UBN1: variants seen among roughly 807,000 people sequenced by gnomAD.
UBN1 encodes ubinuclein 1.
Under a neutral mutation model 108.5 loss-of-function variants are expected in UBN1, and 17 were observed. That is an observed-to-expected ratio of 0.16 (90% confidence interval 0.11 to 0.24). The LOEUF is 0.24. Ranked by LOEUF, UBN1 falls within the 10% of genes least tolerant of loss-of-function variation. The pLI, the probability that UBN1 is intolerant of heterozygous loss-of-function variation, is 1.00. For synonymous variants in UBN1, 726 were observed against 564.2 expected (o/e 1.29, Z -4.07); for missense variants, 1,595 against 1,394.4 (o/e 1.14, Z -2.29).
chr16:4,873,643 T>G (rs2087743444), intron 14 of UBN1, among the ~76,000 whole-genome samples: 1 of 152,148 alleles, frequency 6.6e-6, no homozygotes, highest in Non-Finnish European at 1.5e-5. Context: ...TGCAAATCAT[T>G]TACTCCTAAG....
chr16:4,875,008 A>G lies in UBN1; in HGVS notation c.2598A>G (p.Ser866=), dbSNP rs752329147. 6 of 1,613,954 alleles carry G rather than the reference A, an allele frequency of 3.7e-6. No individual in the cohort carries two copies. The South Asian group carries it at 5.5e-5, about 15-fold the overall frequency. The change falls in exon 15 of 18, where the codon TCA becomes TCG. Residue 866 remains serine, a synonymous_variant. Transcript: ENST00000262376. ...PSAPATSGGL[S]ASSSSSHKTP... ...CACCAGCCACCTCAGGAGGCCTGTCAGCCTCCAGCAGCAGCTCTCACAAGA... is the reference window on the plus strand; with the variant it reads ...CACCAGCCACCTCAGGAGGCCTGTCGGCCTCCAGCAGCAGCTCTCACAAGA...
chr16:4,849,770 AT>A (rs917764551), intron 1 of UBN1, among the ~76,000 whole-genome samples: 3 of 151,506 alleles, frequency 2.0e-5, no homozygotes, highest in Non-Finnish European at 4.4e-5. Flanking sequence ...TTTAAAAAAA[AT>A]TTTTTTGTGC....
intron 8 of UBN1, 149 bp downstream of exon 8, chr16:4,869,052 A>C: frequency 2.6e-6 from 2 of 770,716 alleles, no homozygotes; most frequent in Non-Finnish European, 2.0e-6. Context: ...ACATGGTTTC[A>C]TTGTTATTTT....
chr16:4,874,584 C>T lies in UBN1; in HGVS notation c.2174C>T (p.Ala725Val). 1 of 1,614,246 alleles carries T rather than the reference C, an allele frequency of 6.2e-7. No individual in the cohort carries two copies. Among genetic ancestry groups the T allele is most frequent in the Non-Finnish European group, 8.5e-7 (1 of 1,180,044 alleles). Reference sequence around the variant, plus strand: ...AACTTTGCGAAGCCTAGTCCTTCTGCTCCACCACCAGCTAGCTCTCTGCAG... The same window carrying T: ...AACTTTGCGAAGCCTAGTCCTTCTGTTCCACCACCAGCTAGCTCTCTGCAG... ...KRNFAKPSPS[A>V]PPPASSLQSP... The change falls in exon 15 of 18, where the codon GCT becomes GTT. Residue 725 changes from alanine to valine, a missense_variant. Physicochemically the swap from Ala to Val is moderately conservative, Grantham distance 64. Coordinates refer to ENST00000262376, the MANE Select transcript of UBN1 (RefSeq NM_001079514.3).
In UBN1 at chr16:4,877,509, G is replaced by A. The variant is rs373590698; in HGVS notation, c.3355+35G>A. 5.6e-5 allele frequency: 89 copies of A among 1,580,074 alleles called. No individual in the cohort carries two copies. The highest frequency in any genetic ancestry group is 2.0e-4 in the African/African-American group (15 of 74,230). The stretch of plus-strand genomic sequence containing the variant: ...CGACGGTCAGTGTGCCACGCGCACC[G>A]TGTGCCTTTGCCCTCTCCACCCCTA... On this transcript the variant is annotated intron_variant, in intron 17 of 17. Transcript: ENST00000262376. This position sits in a 1 kb window ranked among gnomAD's most constrained non-coding sequence, Gnocchi z 4.3.
At chr16:4,865,037 TTA>T (rs1324448539) in intron 7 of UBN1, among the ~76,000 whole-genome samples, 1 of 152,336 alleles carries the variant, frequency 6.6e-6, no homozygotes, top group African/African-American at 2.4e-5. Flanking sequence ...GTTGGAACTC[TTA>T]TAAATCAGCA....
In UBN1 at chr16:4,875,321, G is replaced by T; in HGVS notation, c.2911G>T (p.Gly971Cys). 2 of 1,614,226 alleles carry T rather than the reference G, an allele frequency of 1.2e-6. No individual in the cohort carries two copies. The highest frequency in any genetic ancestry group is 4.5e-5 in the East Asian group (2 of 44,888). Reference sequence around the variant, plus strand: ...GAAGTTGACTCTGGTAGCCCCTCCAGGCGGTCCAAACGGAGATTCCAGTGG... The same window carrying T: ...GAAGTTGACTCTGGTAGCCCCTCCATGCGGTCCAAACGGAGATTCCAGTGG... Reference protein sequence around the residue: ...SQKLTLVAPPGGPNGDSSGGT... With the variant: ...SQKLTLVAPPCGPNGDSSGGT... The change falls in exon 15 of 18, where the codon GGC (glycine) becomes TGC (cysteine). Residue 971 changes from glycine (G) to cysteine (C), a missense_variant. Around this residue, in one of 3 missense-constraint regions of UBN1, gnomAD observed 1,398 missense variants for 1,194.7 expected, o/e 1.17. Coordinates refer to ENST00000262376, the MANE Select transcript of UBN1 (RefSeq NM_001079514.3).
intron 7 of UBN1, among the ~76,000 whole-genome samples, chr16:4,867,339 A>G (rs2087383428): frequency 6.6e-6 from 1 of 152,204 alleles, no homozygotes; most frequent in Admixed American, 6.5e-5. Context: ...ATCCACTTAC[A>G]CGCAGATGTT....
At chr16:4,855,762 T>G (rs2086780328) in intron 2 of UBN1, among the ~76,000 whole-genome samples, 3 of 151,854 alleles carry the variant, frequency 2.0e-5, no homozygotes, top group Admixed American at 2.0e-4. Context: ...CTACTAAAAA[T>G]ACAAAAATTA....
At position 4,874,197 on chromosome 16, in the gene UBN1, C is replaced by G. The variant is rs748752991; in HGVS notation, c.1801-14C>G. 1 of 1,532,164 alleles carries G rather than the reference C, an allele frequency of 6.5e-7. No homozygotes were observed. Among genetic ancestry groups the G allele is most frequent in the Non-Finnish European group, 8.8e-7 (1 of 1,141,630 alleles). The allele number at this position is 1,532,164 out of a possible 1,614,324, so 94.9% of individuals were successfully genotyped here. A position where few individuals can be genotyped will look rare whatever the true frequency, so the allele number is the denominator to read the frequency against. ...TGGACCTTTCTAAACATCAACATTTCTGTTTTCCTTTAGGAATCGTCTACG... is the reference window on the plus strand; with the variant it reads ...TGGACCTTTCTAAACATCAACATTTGTGTTTTCCTTTAGGAATCGTCTACG... On this transcript the variant is annotated splice_polypyrimidine_tract_variant and intron_variant, in intron 14 of 17. Coordinates refer to ENST00000262376, the MANE Select transcript of UBN1 (RefSeq NM_001079514.3).
intron 7 of UBN1, among the ~76,000 whole-genome samples, chr16:4,865,936 T>C (rs1485313993): frequency 5.3e-5 from 8 of 152,132 alleles, no homozygotes; most frequent in African/African-American, 1.9e-4. Flanking sequence ...CACTCCAGCC[T>C]GGGCAACAGA....
intron 7 of UBN1, among the ~76,000 whole-genome samples, chr16:4,865,664 T>A (rs191706322): frequency 2.7e-4 from 40 of 150,380 alleles, no homozygotes; most frequent in African/African-American, 6.9e-4. Context: ...AGTGAGACCA[T>A]CTCAATAAAA....
chr16:4,880,202 C>T lies in UBN1; in HGVS notation c.*70C>T. ...GAACGTGCAGGTCTCCCAGGATGTA[C>T]ACTCACTGCGCCCTTTCTGCTGCTT... is the stretch of plus-strand genomic sequence containing the variant. On this transcript the variant is annotated 3_prime_UTR_variant, in exon 18 of 18. Coordinates refer to ENST00000262376, the MANE Select transcript of UBN1 (RefSeq NM_001079514.3). 4 of 1,516,910 alleles carry T rather than the reference C, an allele frequency of 2.6e-6. No individual in the cohort carries two copies. Among genetic ancestry groups the T allele is most frequent in the South Asian group, 2.2e-5 (2 of 88,956 alleles). The allele number at this position is 1,516,910 out of a possible 1,614,324, so 94.0% of individuals were successfully genotyped here. A position where few individuals can be genotyped will look rare whatever the true frequency, so the allele number is the denominator to read the frequency against.
chr16:4,878,538 T>G (rs763967479), intron 17 of UBN1, among the ~76,000 whole-genome samples: 5 of 152,120 alleles, frequency 3.3e-5, no homozygotes, highest in South Asian at 4.1e-4. Context: ...AAACTGTGCT[T>G]CTTTGAGGGG....
At chr16:4,876,002 A>G (rs1185526643) in intron 15 of UBN1, among the ~76,000 whole-genome samples, 1 of 142,270 alleles carries the variant, frequency 7.0e-6, no homozygotes, top group Non-Finnish European at 1.5e-5. Flanking sequence ...TCTTTCACCA[A>G]GGCTGGAGTG....
Position 4,851,978 on chromosome 16 carries a change from T to C in UBN1, c.-39-901T>C, listed in dbSNP as rs990585175. Among the ~76,000 whole-genome samples, 4 of 152,246 alleles carry C rather than the reference T, an allele frequency of 2.6e-5. No homozygotes were observed. In the South Asian group the frequency reaches 8.3e-4, roughly 31 times the overall value. On this transcript the variant is annotated intron_variant, in intron 1 of 17. Transcript: ENST00000262376. ...AATTTATGTATAATATCAAGAGCGCTTACAAGTCAATAAGAAAGTCACAAT... is the reference window on the plus strand; with the variant it reads ...AATTTATGTATAATATCAAGAGCGCCTACAAGTCAATAAGAAAGTCACAAT...
chr16:4,850,962 AC>A (rs2142103493), intron 1 of UBN1, among the ~76,000 whole-genome samples: 1 of 152,340 alleles, frequency 6.6e-6, no homozygotes, highest in East Asian at 1.9e-4. Context: ...AAAGTATGAA[AC>A]TTTACAAAAC....
chr16:4,871,068 T>C, intron 11 of UBN1, 87 bp from the exon 12 acceptor site: 2 of 1,601,412 alleles, frequency 1.2e-6, no homozygotes, highest in Non-Finnish European at 1.7e-6. Context: ...TCATTTACTT[T>C]CATCAGGGCT....
In UBN1 at chr16:4,861,114, C is replaced by T. The variant is rs1302433910; in HGVS notation, c.1110+12C>T. 2 of 1,606,928 alleles carry T rather than the reference C, an allele frequency of 1.2e-6. No individual in the cohort carries two copies. The highest frequency in any genetic ancestry group is 1.7e-5 in the Admixed American group (1 of 59,564). The stretch of plus-strand genomic sequence containing the variant: ...AGGAGCTGGCTCAGGTATGGTGGCA[C>T]AGTGCGGCTGGGCTTTCCTGGAAGC... On this transcript the variant is annotated intron_variant, in intron 7 of 17. Coordinates refer to ENST00000262376, the MANE Select transcript of UBN1 (RefSeq NM_001079514.3).
Sources: gnomAD v4.1 joint callset for allele counts (sites outside exome capture counted in the v4.1 genomes callset) on GRCh38, gnomAD v4.1.1 for gene constraint, gnomAD v4.1.1 regional missense constraint, Gnocchi (gnomAD v3.1) non-coding constraint, MANE v1.5 for transcripts, NCBI Gene and HGNC (gene_info 2026-07-23, HGNC 2026-07-21) for gene names.